NAALADL2: variants seen among roughly 807,000 people sequenced by gnomAD.
The protein encoded by NAALADL2 is N-acetylated alpha-linked acidic dipeptidase like 2.
A neutral mutation model predicts 87.2 loss-of-function variants in NAALADL2; 76 were observed. The ratio of observed to expected loss-of-function variants is 0.87; its 90% CI spans 0.72 to 1.05. NAALADL2 has a LOEUF of 1.05. Ranked by LOEUF, NAALADL2 falls within the 50% of genes least tolerant of loss-of-function variation. NAALADL2 has a pLI of 0.00. For synonymous variants in NAALADL2, 354 were observed against 331.0 expected, an observed-to-expected ratio of 1.07 and a Z score of -0.75; for missense variants, 1,089 against 945.8, an observed-to-expected ratio of 1.15 and a Z score of -1.99.
chr3:174,720,674 G>A (rs1294767882), intron 2 of NAALADL2, among the ~76,000 whole-genome samples: 1 of 152,130 alleles, frequency 6.6e-6, no homozygotes. Context: ...CGTTACAAAA[G>A]TGGGCATTGG....
At position 175,034,816 on chromosome 3, in the gene NAALADL2, A is replaced by G. The variant is rs115055077; in HGVS notation, c.44-61974A>G. On this transcript the variant is annotated intron_variant, in intron 1 of 13. Transcript: ENST00000454872. ...CTCATAAATTGTTGTGAGTTAGCAC[A>G]AAGCACTTAGAACAGCACCTGGCAT... Among the ~76,000 whole-genome samples, 805 of 152,314 alleles carry G rather than the reference A, an allele frequency of 5.3e-3. 4 individuals are homozygous for G. Among genetic ancestry groups the G allele is most frequent in the African/African-American group, 0.016 (679 of 41,570 alleles).
intron 2 of NAALADL2, among the ~76,000 whole-genome samples, chr3:174,582,489 C>A (rs1716277637): frequency 6.6e-6 from 1 of 152,274 alleles, no homozygotes; most frequent in East Asian, 1.9e-4. Context: ...ATGAAGGATT[C>A]TTATTGGATA....
At chr3:175,467,235 A>C in intron 8 of NAALADL2, 51 bp downstream of exon 8, 1 of 1,460,226 alleles carries the variant, frequency 6.8e-7, no homozygotes, top group East Asian at 2.4e-5. Flanking sequence ...TTAGTTTGCT[A>C]AAGTAGACAA....
chr3:174,856,859 G>A (rs1373596766), upstream of NAALADL2, among the ~76,000 whole-genome samples: 2 of 152,130 alleles, frequency 1.3e-5, no homozygotes, highest in Non-Finnish European at 2.9e-5. Context: ...CAGCCACGGT[G>A]TGTGATAATT....
Position 175,803,203 on chromosome 3 carries a change from A to G in NAALADL2, c.2388A>G (p.Ter796TrpextTer7). 1 of 1,589,392 alleles carries G rather than the reference A, an allele frequency of 6.3e-7. No homozygotes were observed. The highest frequency in any genetic ancestry group is 8.6e-7 in the Non-Finnish European group (1 of 1,166,754). ...AGAGTGTCTTGGATGGGAAGAATTGAGAAAACTCTGAGCATTTTTAAAAGT... is the reference window on the plus strand; with the variant it reads ...AGAGTGTCTTGGATGGGAAGAATTGGGAAAACTCTGAGCATTTTTAAAAGT... ...VFKSVLDGKN[*>W] The change falls in exon 14 of 14, where the codon TGA becomes TGG. Residue 796 changes from the stop codon to tryptophan (W), a stop_lost. Transcript: ENST00000454872.
chr3:174,555,023 A>G (rs1246372013), intron 2 of NAALADL2, among the ~76,000 whole-genome samples: 1 of 152,294 alleles, frequency 6.6e-6, no homozygotes, highest in African/African-American at 2.4e-5. Flanking sequence ...AATCCCATTC[A>G]TTAGGGCTCT....
At chr3:175,498,992 A>T (rs55946460) in intron 9 of NAALADL2, among the ~76,000 whole-genome samples, 6,529 of 152,160 alleles carry the variant, frequency 0.043, 446 homozygotes, top group African/African-American at 0.15. Context: ...TAAATTTACC[A>T]TGCTATGAAT....
At chr3:174,780,304 A>C (rs1274603112) in intron 3 of NAALADL2, among the ~76,000 whole-genome samples, 2 of 152,178 alleles carry the variant, frequency 1.3e-5, no homozygotes, top group African/African-American at 4.8e-5. Flanking sequence ...GGTGTATAGC[A>C]AAGCTTGTGA....
chr3:175,779,997 G>C (rs575529408), intron 13 of NAALADL2, among the ~76,000 whole-genome samples: 1 of 152,126 alleles, frequency 6.6e-6, no homozygotes, highest in East Asian at 1.9e-4. Context: ...GGCCGGGCGC[G>C]GTGGCTCACG....
intron 2 of NAALADL2, among the ~76,000 whole-genome samples, chr3:175,221,625 T>C (rs1402869406): frequency 6.6e-5 from 10 of 152,286 alleles, no homozygotes; most frequent in African/African-American, 2.2e-4. Flanking sequence ...ACCTCTCTTA[T>C]TTAACCAGAT....
intron 3 of NAALADL2, among the ~76,000 whole-genome samples, chr3:174,828,185 A>C (rs907545937): frequency 1.3e-5 from 2 of 152,108 alleles, no homozygotes; most frequent in Non-Finnish European, 1.5e-5. Flanking sequence ...ACAACACAAC[A>C]CAACACAACA....
At chr3:175,216,668 C>CTTTT (rs3067029) in intron 2 of NAALADL2, among the ~76,000 whole-genome samples, 15,792 of 85,932 alleles carry the variant, frequency 0.18, 1,498 homozygotes, top group Admixed American at 0.3. Flanking sequence ...TTTTTCTTTT[C>CTTTT]TTTTTTTTTT....
chr3:175,739,529 A>G (rs1744967233), intron 12 of NAALADL2, among the ~76,000 whole-genome samples: 1 of 152,218 alleles, frequency 6.6e-6, no homozygotes, highest in Non-Finnish European at 1.5e-5. Context: ...ATGATTAAGA[A>G]CCCTTTCAAC....
At chr3:174,921,828 G>GAAAAAT (rs1441604060) in intron 1 of NAALADL2, among the ~76,000 whole-genome samples, 1 of 71,136 alleles carries the variant, frequency 1.4e-5, no homozygotes, top group Non-Finnish European at 2.7e-5. Flanking sequence ...AAAAGAAAAA[G>GAAAAAT]AAAAAGAAAA....
chr3:175,711,048 C>T (rs1417411706), intron 11 of NAALADL2, among the ~76,000 whole-genome samples: 1 of 151,838 alleles, frequency 6.6e-6, no homozygotes, highest in African/African-American at 2.4e-5. Flanking sequence ...CAAGTTATTA[C>T]TGGTGTAGCT....
chr3:175,503,849 T>C (rs945899665), intron 9 of NAALADL2, among the ~76,000 whole-genome samples: 1 of 152,146 alleles, frequency 6.6e-6, no homozygotes, highest in Non-Finnish European at 1.5e-5. Context: ...GGATGCATAG[T>C]TTGCAAATAT....
intron 11 of NAALADL2, among the ~76,000 whole-genome samples, chr3:175,704,125 T>C (rs796301146): frequency 1.5e-4 from 23 of 152,304 alleles, no homozygotes; most frequent in African/African-American, 5.5e-4. Context: ...CTGAAATTCT[T>C]CTGGTCTGTT....
chr3:175,220,605 A>G (rs1056975576), intron 2 of NAALADL2, among the ~76,000 whole-genome samples: 1 of 151,722 alleles, frequency 6.6e-6, no homozygotes, highest in African/African-American at 2.4e-5. Context: ...TTTTCTTTTC[A>G]TGAATAGTAT....
chr3:174,540,450 C>A (rs1349166565), intron 1 of NAALADL2, among the ~76,000 whole-genome samples: 1 of 152,150 alleles, frequency 6.6e-6, no homozygotes, highest in Non-Finnish European at 1.5e-5. Flanking sequence ...TACATTTTAA[C>A]AAATTCTCTG....
Sources: allele counts gnomAD v4.1 joint callset (sites outside exome capture counted in the v4.1 genomes callset), GRCh38; gene constraint gnomAD v4.1.1; transcripts MANE v1.5; gene names NCBI Gene and HGNC (gene_info 2026-07-23, HGNC 2026-07-21).